The following NTSR1 variants were observed in gnomAD, a reference collection of about 807,000 sequenced individuals.
NTSR1 encodes the protein neurotensin receptor type 1.
NTSR1 carries 29 observed loss-of-function variants against 31.2 expected under a neutral mutation model. That is an observed-to-expected ratio of 0.93 (90% CI 0.69 to 1.27). NTSR1 has a LOEUF of 1.27. Among genes scored for constraint, NTSR1 ranks in the 50% most tolerant of loss-of-function variants. The pLI, the probability that NTSR1 is intolerant of heterozygous loss-of-function variation, is 0.00. For synonymous variants in NTSR1, 282 were observed against 269.9 expected (o/e 1.04, Z -0.44); for missense variants, 697 against 595.4 (o/e 1.17, Z -1.78).
At chr20:62,718,221 G>A (rs562460130) in intron 1 of NTSR1, among the ~76,000 whole-genome samples, 1 of 152,222 alleles carries the variant, frequency 6.6e-6, no homozygotes, top group Non-Finnish European at 1.5e-5. Context: ...GAGCAGAGCC[G>A]CCACGTGACT....
At chr20:62,738,311 C>T in intron 1 of NTSR1, among the ~76,000 whole-genome samples, 1 of 152,212 alleles carries the variant, frequency 6.6e-6, no homozygotes, top group East Asian at 1.9e-4. Flanking sequence ...AGTTCTGGAA[C>T]ATTCCAAGAA....
At chr20:62,749,707 T>C (rs1057173093) in intron 1 of NTSR1, among the ~76,000 whole-genome samples, 1 of 152,144 alleles carries the variant, frequency 6.6e-6, no homozygotes. Flanking sequence ...TCAACACCAC[T>C]AGTCATCAGG....
intron 1 of NTSR1, among the ~76,000 whole-genome samples, chr20:62,734,298 C>T (rs1181695942): frequency 2.9e-5 from 4 of 135,736 alleles, no homozygotes; most frequent in African/African-American, 5.3e-5. Flanking sequence ...CCCCCTTCCC[C>T]GCAAAAAAAA....
At chr20:62,736,535 A>C (rs541332343) in intron 1 of NTSR1, among the ~76,000 whole-genome samples, 117 of 152,260 alleles carry the variant, frequency 7.7e-4, no homozygotes, top group African/African-American at 2.5e-3. Context: ...TGGGGCAAAG[A>C]GAGGGCTCCC....
chr20:62,734,011 C>A (rs1293746456), intron 1 of NTSR1, among the ~76,000 whole-genome samples: 1 of 152,192 alleles, frequency 6.6e-6, no homozygotes, highest in African/African-American at 2.4e-5. Flanking sequence ...GGTTTCGTTT[C>A]ACAGATGAGG....
At chr20:62,729,045 T>C (rs1182198071) in intron 1 of NTSR1, among the ~76,000 whole-genome samples, 1 of 152,228 alleles carries the variant, frequency 6.6e-6, no homozygotes, top group Non-Finnish European at 1.5e-5. Context: ...GTCCTCGGTC[T>C]GTGCACACCT....
At position 62,709,416 on chromosome 20, in the gene NTSR1, A is replaced by G; in HGVS notation, c.209A>G (p.Tyr70Cys). 2 of 1,611,784 alleles carry G rather than the reference A, an allele frequency of 1.2e-6. No individual in the cohort carries two copies. Among genetic ancestry groups the G allele is most frequent in the East Asian group, 2.2e-5 (1 of 44,828 alleles). Reference sequence around the variant, plus strand: ...TCCAAGGTGCTGGTGACCGCCGTGTACCTGGCGCTCTTCGTGGTGGGCACG... The same window carrying G: ...TCCAAGGTGCTGGTGACCGCCGTGTGCCTGGCGCTCTTCGTGGTGGGCACG... ...IYSKVLVTAV[Y>C]LALFVVGTVG... The change falls in exon 1 of 4, where the codon TAC (tyrosine) becomes TGC (cysteine). Residue 70 changes from tyrosine to cysteine, a missense_variant. Tyr to Cys is a radical substitution (Grantham distance 194). Transcript: ENST00000370501.
Position 62,732,321 on chromosome 20 carries a change from T to C in NTSR1, c.715-22364T>C, listed in dbSNP as rs903067073. Among the ~76,000 whole-genome samples the C allele has an allele frequency of 5.9e-5, 9 of 152,206 alleles. No individual in the cohort carries two copies. Among genetic ancestry groups the C allele is most frequent in the Non-Finnish European group, 1.3e-4 (9 of 68,048 alleles). ...TATGACATGGGCTGTAGGTTTTTAG[T>C]AGATGTTCTCTACCAAGCTGAGGGA... On this transcript the variant is annotated intron_variant, in intron 1 of 3. Coordinates refer to ENST00000370501, the MANE Select transcript of NTSR1 (RefSeq NM_002531.3). This position sits in a 1 kb window ranked among gnomAD's most constrained non-coding sequence, Gnocchi z 4.0.
chr20:62,711,443 T>C lies in NTSR1; in HGVS notation c.714+1522T>C, dbSNP rs763527983. On this transcript the variant is annotated intron_variant, in intron 1 of 3. Transcript: ENST00000370501. This position sits in a 1 kb window ranked among gnomAD's most constrained non-coding sequence, Gnocchi z 6.4. ...AGGGGGAACCTCTCCCCAGTCCGCG[T>C]GGAGGGGCCCCAGGGGCGACAGCCA... Among the ~76,000 whole-genome samples the C allele has an allele frequency of 2.6e-4, 39 of 152,200 alleles. No individual in the cohort carries two copies. The highest frequency in any genetic ancestry group is 7.8e-4 in the Admixed American group (12 of 15,290).
chr20:62,745,394 T>G lies in NTSR1; in HGVS notation c.715-9291T>G, dbSNP rs1989282655. On this transcript the variant is annotated intron_variant, in intron 1 of 3. Transcript: ENST00000370501. The surrounding 1 kb of genome is among the most constrained non-coding windows in gnomAD (Gnocchi z 4.1). ...AGACAGAGACACAGAGATATAGAGATAGAGACACAGACTCAGGAAAACAGA... is the reference window on the plus strand; with the variant it reads ...AGACAGAGACACAGAGATATAGAGAGAGAGACACAGACTCAGGAAAACAGA... Among the ~76,000 whole-genome samples the G allele has an allele frequency of 1.4e-5, 2 of 145,296 alleles. No homozygotes were observed. The highest frequency in any genetic ancestry group is 2.0e-4 in the East Asian group (1 of 4,932).
intron 1 of NTSR1, among the ~76,000 whole-genome samples, chr20:62,727,848 C>T (rs1193322105): frequency 6.6e-6 from 1 of 152,248 alleles, no homozygotes; most frequent in Non-Finnish European, 1.5e-5. Flanking sequence ...GGTATGGGTG[C>T]CATGGCAAGG....
intron 1 of NTSR1, among the ~76,000 whole-genome samples, chr20:62,754,111 GGCTCCAGGT>G (rs1468483883): frequency 1.3e-5 from 2 of 152,194 alleles, no homozygotes; most frequent in Non-Finnish European, 2.9e-5. Context: ...GGGGAGTGGG[GGCTCCAGGT>G]GCTGATAACA....
chr20:62,739,138 C>T (rs1213781806), intron 1 of NTSR1, among the ~76,000 whole-genome samples: 1 of 152,308 alleles, frequency 6.6e-6, no homozygotes, highest in South Asian at 2.1e-4. Context: ...GTTGGGGACC[C>T]GTTGGGCTCT....
At chr20:62,723,144 T>A (rs1197197974) in intron 1 of NTSR1, among the ~76,000 whole-genome samples, 2 of 152,252 alleles carry the variant, frequency 1.3e-5, no homozygotes, top group East Asian at 3.8e-4. Flanking sequence ...AAGAGAATTA[T>A]TTCAAGAGCC....
rs532427308 is a variant in NTSR1, at chr20:62,720,214, C to T, written c.714+10293C>T. Among the ~76,000 whole-genome samples the T allele has an allele frequency of 3.3e-5, 5 of 152,240 alleles. No homozygotes were observed. In the East Asian group the frequency reaches 7.7e-4, roughly 23 times the overall value. ...ACTCGGGAGGCTAAGGCAGGAGAAT[C>T]GCTTTAACTCGGGAGGTGGAGGTTG... On this transcript the variant is annotated intron_variant, in intron 1 of 3. Coordinates refer to ENST00000370501, the MANE Select transcript of NTSR1 (RefSeq NM_002531.3).
intron 1 of NTSR1, among the ~76,000 whole-genome samples, chr20:62,725,389 G>A (rs563661131): frequency 6.6e-6 from 1 of 152,244 alleles, no homozygotes; most frequent in Non-Finnish European, 1.5e-5. Context: ...GAGACACAGT[G>A]GGAAGCGGGA....
intron 3 of NTSR1, 47 bp from the exon 4 acceptor site, chr20:62,759,971 C>T: frequency 6.3e-7 from 1 of 1,597,694 alleles, no homozygotes; most frequent in Non-Finnish European, 8.6e-7. Context: ...TGCCTTGGGG[C>T]CCTCAAGAGT....
chr20:62,739,944 C>G (rs776447367), intron 1 of NTSR1, among the ~76,000 whole-genome samples: 1 of 152,238 alleles, frequency 6.6e-6, no homozygotes, highest in African/African-American at 2.4e-5. Context: ...AAAGTTAAGT[C>G]GTGCTGGGAC....
chr20:62,736,446 A>G (rs1321092475), intron 1 of NTSR1, among the ~76,000 whole-genome samples: 1 of 152,220 alleles, frequency 6.6e-6, no homozygotes, highest in Non-Finnish European at 1.5e-5. Context: ...TAGACGCAGA[A>G]TCTCCTCTGT....
Sources: allele counts gnomAD v4.1 joint callset (sites outside exome capture counted in the v4.1 genomes callset), GRCh38; gene constraint gnomAD v4.1.1; non-coding constraint Gnocchi (gnomAD v3.1); transcripts MANE v1.5; gene names NCBI Gene and HGNC (gene_info 2026-07-23, HGNC 2026-07-21).